The following RCOR1 variants were observed in gnomAD, a reference collection of about 807,000 sequenced individuals.
The protein encoded by RCOR1 is REST corepressor.
Under a neutral mutation model 64.0 loss-of-function variants are expected in RCOR1, and 12 were observed. The ratio of observed to expected loss-of-function variants is 0.19; its 90% CI spans 0.12 to 0.30. The LOEUF (loss-of-function observed/expected upper bound fraction) is 0.30, where lower values mean the gene tolerates loss of function less well. Ranked by LOEUF, RCOR1 falls within the 10% of genes least tolerant of loss-of-function variation. The pLI is 1.00. For missense variants in RCOR1, 502 were observed against 621.2 expected (o/e 0.81, Z 2.04); for synonymous variants, 279 against 227.2 (o/e 1.23, Z -2.05).
chr14:102,675,047 CAAAAAAA>C (rs761294133), intron 2 of RCOR1, among the ~76,000 whole-genome samples: 8 of 63,410 alleles, frequency 1.3e-4, no homozygotes, highest in South Asian at 5.1e-4. Flanking sequence ...GACTCCACCT[CAAAAAAA>C]AAAAAAAAAA....
chr14:102,709,647 C>T (rs1895919077), intron 6 of RCOR1, among the ~76,000 whole-genome samples: 1 of 152,138 alleles, frequency 6.6e-6, no homozygotes, highest in African/African-American at 2.4e-5. Flanking sequence ...TTGTAAGAGC[C>T]TATAAAATTA....
At chr14:102,595,693 C>T (rs1025393064) in intron 2 of RCOR1, among the ~76,000 whole-genome samples, 13 of 151,870 alleles carry the variant, frequency 8.6e-5, no homozygotes, top group African/African-American at 2.9e-4. Context: ...CATTCTCCTG[C>T]CTCAGCCTCC....
intron 2 of RCOR1, among the ~76,000 whole-genome samples, chr14:102,663,338 C>A (rs763858813): frequency 6.6e-6 from 1 of 152,238 alleles, no homozygotes; most frequent in South Asian, 2.1e-4. Context: ...TGCAACTTCT[C>A]TCAACATTTC....
intron 2 of RCOR1, among the ~76,000 whole-genome samples, chr14:102,613,329 T>G (rs989503070): frequency 1.3e-5 from 2 of 151,996 alleles, no homozygotes; most frequent in African/African-American, 4.8e-5. Context: ...ATCAAACTCA[T>G]GACCTCAGGT....
intron 2 of RCOR1, among the ~76,000 whole-genome samples, chr14:102,594,056 A>G (rs1164359794): frequency 6.6e-6 from 1 of 152,206 alleles, no homozygotes; most frequent in Non-Finnish European, 1.5e-5. Context: ...TACACCCTAG[A>G]ATGGAACACT....
rs542197384 is a variant in RCOR1, at chr14:102,595,793, A to T, written c.361+2468A>T. Reference sequence around the variant, plus strand: ...ACGGGGTTTCACCGTGTCAGCCAGGATGGTCTTGATCTCCTGACCTCGTGA... The same window carrying T: ...ACGGGGTTTCACCGTGTCAGCCAGGTTGGTCTTGATCTCCTGACCTCGTGA... On this transcript the variant is annotated intron_variant, in intron 2 of 11. Coordinates refer to ENST00000262241, the MANE Select transcript of RCOR1 (RefSeq NM_015156.4). Among the ~76,000 whole-genome samples, 15 of 151,930 alleles carry T rather than the reference A, an allele frequency of 9.9e-5. No homozygotes were observed. In the South Asian group the frequency reaches 2.7e-3, roughly 27 times the overall value.
At chr14:102,597,957 G>A (rs1381835992) in intron 2 of RCOR1, among the ~76,000 whole-genome samples, 1 of 152,032 alleles carries the variant, frequency 6.6e-6, no homozygotes, top group Non-Finnish European at 1.5e-5. Context: ...CGAGTAGCCG[G>A]GATTACAGGC....
chr14:102,636,974 A>G (rs149782163), intron 2 of RCOR1, among the ~76,000 whole-genome samples: 7 of 152,228 alleles, frequency 4.6e-5, no homozygotes, highest in Middle Eastern at 3.4e-3. Flanking sequence ...TCTGTTTCAA[A>G]AAAACAAAAC....
intron 2 of RCOR1, among the ~76,000 whole-genome samples, chr14:102,663,448 G>C (rs2139942113): frequency 6.6e-6 from 1 of 152,296 alleles, no homozygotes; most frequent in Middle Eastern, 3.4e-3. Flanking sequence ...CCTTTTGTAA[G>C]GAACTCTTAC....
At chr14:102,669,230 A>G (rs1012148949) in intron 2 of RCOR1, among the ~76,000 whole-genome samples, 1 of 151,024 alleles carries the variant, frequency 6.6e-6, no homozygotes, top group Non-Finnish European at 1.5e-5. Flanking sequence ...AATCGCTTGA[A>G]CCCAGGAGGC....
intron 2 of RCOR1, chr14:102,656,002 A>G (rs1894716576): frequency 2.0e-6 from 2 of 984,534 alleles, no homozygotes; most frequent in South Asian, 4.7e-5. Context: ...AAATAAACCT[A>G]TGAACCAACT....
At chr14:102,653,027 G>A (rs1458744189) in intron 2 of RCOR1, among the ~76,000 whole-genome samples, 1 of 152,026 alleles carries the variant, frequency 6.6e-6, no homozygotes, top group East Asian at 1.9e-4. Context: ...CTATCTCCTG[G>A]GTTCAAGCGA....
At chr14:102,598,247 TGCCCG>T (rs1893306670) in intron 2 of RCOR1, among the ~76,000 whole-genome samples, 2 of 152,064 alleles carry the variant, frequency 1.3e-5, no homozygotes, top group Admixed American at 1.3e-4. Context: ...TGAGCCACTG[TGCCCG>T]GCCTGATTTT....
At chr14:102,704,952 T>C (rs556739868) in intron 4 of RCOR1, among the ~76,000 whole-genome samples, 2 of 151,892 alleles carry the variant, frequency 1.3e-5, no homozygotes, top group South Asian at 4.2e-4. Context: ...TGGTGACACC[T>C]CATCTCTAAA....
intron 2 of RCOR1, among the ~76,000 whole-genome samples, chr14:102,612,761 G>A (rs1368980182): frequency 1.3e-5 from 2 of 151,820 alleles, no homozygotes; most frequent in Admixed American, 1.3e-4. Flanking sequence ...GACTGAGGTA[G>A]GAGGATTGCT....
Position 102,681,922 on chromosome 14 carries a change from G to A in RCOR1, c.389G>A (p.Arg130Gln), listed in dbSNP as rs751897990. 4.3e-6 allele frequency: 7 copies of A among 1,613,710 alleles called. No homozygotes were observed. In the South Asian group the frequency reaches 4.4e-5, roughly 10 times the overall value. Residue 130 changes from arginine to glutamine, a missense_variant, in exon 3 of 12, where the codon CGG becomes CAG. Physicochemically the swap from Arg to Gln is conservative, Grantham distance 43. Transcript: ENST00000262241. ...PAKLARRSQERDNLGMLVWSP... is the reference protein window; with the variant it reads ...PAKLARRSQEQDNLGMLVWSP... ...AAACTGGCAAGACGCAGTCAAGAAC[G>A]GGACAATCTTGGCATGTTGGTCTGG...
chr14:102,709,528 A>C (rs1895917400), intron 6 of RCOR1, among the ~76,000 whole-genome samples: 1 of 152,254 alleles, frequency 6.6e-6, no homozygotes, highest in South Asian at 2.1e-4. Context: ...ATGAAAGAGT[A>C]ACATGTGAGA....
intron 2 of RCOR1, among the ~76,000 whole-genome samples, chr14:102,630,798 G>C (rs758331887): frequency 6.6e-6 from 1 of 152,072 alleles, no homozygotes; most frequent in South Asian, 2.1e-4. Flanking sequence ...AAAGTGCACC[G>C]AACCACTCAG....
At chr14:102,692,759 T>C (rs867886145) in intron 3 of RCOR1, among the ~76,000 whole-genome samples, 7 of 89,906 alleles carry the variant, frequency 7.8e-5, no homozygotes, top group Admixed American at 3.5e-4. Context: ...CTTCCTTCTT[T>C]TTCTTTTTCT....
Sources: allele counts gnomAD v4.1 joint callset (sites outside exome capture counted in the v4.1 genomes callset), GRCh38; gene constraint gnomAD v4.1.1; transcripts MANE v1.5; gene names NCBI Gene and HGNC (gene_info 2026-07-23, HGNC 2026-07-21).